Variants in REC114 observed in about 807,000 individuals in gnomAD.
The protein encoded by REC114 is REC114 meiotic recombination protein, also known as meiotic recombination protein REC114.
Under a neutral mutation model 31.3 loss-of-function variants are expected in REC114, and 27 were observed. That is an observed-to-expected ratio of 0.86 (90% confidence interval 0.64 to 1.19). The LOEUF (loss-of-function observed/expected upper bound fraction) is 1.19. Among genes scored for constraint, REC114 ranks in the 50% most tolerant of loss-of-function variants. The pLI is 0.00. For synonymous variants in REC114, 134 were observed against 127.7 expected (o/e 1.05, Z -0.33); for missense variants, 344 against 326.9 (o/e 1.05, Z -0.40).
Position 73,523,827 on chromosome 15 carries a change from C to T in REC114, c.250-16658C>T, listed in dbSNP as rs115684727. Among the ~76,000 whole-genome samples the T allele has an allele frequency of 5.8e-3, 885 of 152,226 alleles. 6 individuals carry two copies. The highest frequency in any genetic ancestry group is 0.02 in the African/African-American group (842 of 41,538). ...AGAAATTTTATAGTTTCAGCTAGTACATTTAGGTCTATGATTTATTTTTAG... is the reference window on the plus strand; with the variant it reads ...AGAAATTTTATAGTTTCAGCTAGTATATTTAGGTCTATGATTTATTTTTAG... On this transcript the variant is annotated intron_variant, in intron 2 of 5. Transcript: ENST00000331090.
rs1310161488 is a variant in REC114 at position 73,474,353 on chromosome 15, A to T, written c.249+432A>T. On this transcript the variant is annotated intron_variant, in intron 2 of 5. Coordinates refer to ENST00000331090, the MANE Select transcript of REC114 (RefSeq NM_001042367.2). ...TAAAACTCTAATTTTATGGTGATAC[A>T]TGTGTTCTTTATTCTGAATATATGT... Among the ~76,000 whole-genome samples the T allele has an allele frequency of 1.3e-5, 2 of 152,336 alleles. 1 individual carries two copies. The highest frequency in any genetic ancestry group is 3.9e-4 in the East Asian group (2 of 5,194).
intron 4 of REC114, among the ~76,000 whole-genome samples, chr15:73,554,234 G>A (rs996460095): frequency 6.6e-6 from 1 of 152,072 alleles, no homozygotes; most frequent in African/African-American, 2.4e-5. Flanking sequence ...ACCTTGTGAG[G>A]CACCACCTAG....
Position 73,556,350 on chromosome 15 carries a change from G to A in REC114, c.595G>A (p.Gly199Ser), listed in dbSNP as rs945045460. Reference sequence around the variant, plus strand: ...GCAAGTGTGTGTAACAGCGGGCACAGGCGCTCCAGACGGAAGGACCTCACT... The same window carrying A: ...GCAAGTGTGTGTAACAGCGGGCACAAGCGCTCCAGACGGAAGGACCTCACT... Reference protein sequence around the residue: ...QQQVCVTAGTGAPDGRTSLTQ... With the variant: ...QQQVCVTAGTSAPDGRTSLTQ... The change falls in exon 5 of 6, where the codon GGC becomes AGC. Residue 199 changes from glycine to serine, a missense_variant. Gly to Ser is a moderately conservative substitution (Grantham distance 56, BLOSUM62 0). Transcript: ENST00000331090. The A allele has an allele frequency of 1.5e-5, 25 of 1,613,732 alleles. No individual in the cohort carries two copies. The Admixed American group carries it at 4.0e-4, about 26-fold the overall frequency.
At chr15:73,462,830 A>G (rs1020438979) in intron 1 of REC114, among the ~76,000 whole-genome samples, 1 of 146,606 alleles carries the variant, frequency 6.8e-6, no homozygotes, top group Admixed American at 7.0e-5. Flanking sequence ...GCTTGCCCTG[A>G]GCCGAGATCG....
chr15:73,493,329 CTT>C (rs1305791546), intron 2 of REC114, among the ~76,000 whole-genome samples: 1 of 152,128 alleles, frequency 6.6e-6, no homozygotes, highest in Non-Finnish European at 1.5e-5. Flanking sequence ...TCTTTACTCT[CTT>C]GTTTCAAAGA....
chr15:73,443,994 C>T (rs1304750495), intron 1 of REC114, among the ~76,000 whole-genome samples: 1 of 152,220 alleles, frequency 6.6e-6, no homozygotes, highest in Non-Finnish European at 1.5e-5. Context: ...TGTGTTTGCA[C>T]TGTACTGTAG....
At chr15:73,559,616 C>A in intron 5 of REC114, 136 bp from the exon 6 acceptor site, 1 of 639,768 alleles carries the variant, frequency 1.6e-6, no homozygotes, top group Non-Finnish European at 2.5e-6. Context: ...TAAAGGAAGC[C>A]TGTAAAGCTA....
intron 2 of REC114, among the ~76,000 whole-genome samples, chr15:73,520,869 G>C (rs1333918040): frequency 6.6e-6 from 1 of 152,136 alleles, no homozygotes; most frequent in Admixed American, 6.5e-5. Context: ...TGGGATTGCT[G>C]TTCTTCATTT....
At chr15:73,513,704 T>C (rs1187196941) in intron 2 of REC114, among the ~76,000 whole-genome samples, 2 of 151,906 alleles carry the variant, frequency 1.3e-5, no homozygotes, top group African/African-American at 2.4e-5. Flanking sequence ...ATACCCTGCC[T>C]TGTGAGGTGT....
intron 2 of REC114, among the ~76,000 whole-genome samples, chr15:73,530,286 TTCTA>T (rs1312330814): frequency 6.6e-5 from 10 of 152,224 alleles, no homozygotes; most frequent in Admixed American, 3.3e-4. Context: ...TACAAATTAT[TTCTA>T]TCTATCTTAT....
intron 2 of REC114, among the ~76,000 whole-genome samples, chr15:73,503,507 G>C (rs1384418023): frequency 1.3e-5 from 2 of 152,146 alleles, no homozygotes; most frequent in Non-Finnish European, 2.9e-5. Flanking sequence ...AGTAGAGATA[G>C]GGATAAAATA....
intron 1 of REC114, among the ~76,000 whole-genome samples, chr15:73,468,046 G>T (rs1420561417): frequency 6.6e-6 from 1 of 152,050 alleles, no homozygotes; most frequent in Admixed American, 6.6e-5. Flanking sequence ...GATTACAATA[G>T]GTTCACCTGG....
chr15:73,449,358 T>C (rs901033861), intron 1 of REC114, among the ~76,000 whole-genome samples: 1 of 151,960 alleles, frequency 6.6e-6, no homozygotes, highest in African/African-American at 2.4e-5. Context: ...CATACACAAG[T>C]ATCAGTAGCT....
At chr15:73,473,594 TTC>T (rs973451395) in intron 1 of REC114, among the ~76,000 whole-genome samples, 2 of 152,178 alleles carry the variant, frequency 1.3e-5, no homozygotes, top group East Asian at 1.9e-4. Flanking sequence ...CTGATATTCT[TTC>T]TGTTTCAAAA....
At chr15:73,445,234 AG>A (rs1371026591) in intron 1 of REC114, among the ~76,000 whole-genome samples, 1 of 152,216 alleles carries the variant, frequency 6.6e-6, no homozygotes, top group Non-Finnish European at 1.5e-5. Context: ...CTTTGAAGCC[AG>A]GCATTGACTT....
At chr15:73,466,066 T>C (rs559274973) in intron 1 of REC114, among the ~76,000 whole-genome samples, 1 of 151,462 alleles carries the variant, frequency 6.6e-6, no homozygotes, top group Non-Finnish European at 1.5e-5. Context: ...TTGGTCAGGC[T>C]GGTCTCAATC....
chr15:73,541,088 T>C (rs1348705702), intron 3 of REC114, among the ~76,000 whole-genome samples: 1 of 152,180 alleles, frequency 6.6e-6, no homozygotes, highest in Admixed American at 6.5e-5. Flanking sequence ...ATGGAGTAGA[T>C]AATATTGAAA....
chr15:73,518,046 G>C (rs923024765), intron 2 of REC114, among the ~76,000 whole-genome samples: 5 of 152,228 alleles, frequency 3.3e-5, no homozygotes, highest in African/African-American at 1.2e-4. Context: ...AAAACATTTA[G>C]ATAAAAAACC....
At chr15:73,456,932 T>A (rs960368685) in intron 1 of REC114, among the ~76,000 whole-genome samples, 10 of 152,218 alleles carry the variant, frequency 6.6e-5, no homozygotes, top group African/African-American at 1.2e-4. Flanking sequence ...AACAGTTTTT[T>A]AATTTGTTTT....
Sources: allele counts gnomAD v4.1 joint callset (sites outside exome capture counted in the v4.1 genomes callset), GRCh38; gene constraint gnomAD v4.1.1; transcripts MANE v1.5; gene names NCBI Gene and HGNC (gene_info 2026-07-23, HGNC 2026-07-21).